CNTN4: variants seen among roughly 807,000 people sequenced by gnomAD.
CNTN4 encodes the protein contactin 4.
CNTN4 carries 77 observed loss-of-function variants against 122.5 expected under a neutral mutation model. That is an observed-to-expected ratio of 0.63 (90% CI 0.52 to 0.76). CNTN4 has a LOEUF of 0.76. CNTN4 is among the 30% of genes least tolerant of loss of function. The pLI, the probability that CNTN4 is intolerant of heterozygous loss-of-function variation, is 0.00. For synonymous variants in CNTN4, 512 were observed against 447.0 expected (o/e 1.15, Z -1.83); for missense variants, 1,256 against 1,259.1 (o/e 1.00, Z 0.04).
chr3:2,377,785 A>T (rs34550005), intron 3 of CNTN4, among the ~76,000 whole-genome samples: 79,384 of 150,342 alleles, frequency 0.53, 21,225 homozygotes, highest in Middle Eastern at 0.64. Flanking sequence ...ATTTTTTTTT[A>T]ACCTCATCAG....
At chr3:2,949,196 A>G (rs2094710520) in intron 13 of CNTN4, among the ~76,000 whole-genome samples, 1 of 152,120 alleles carries the variant, frequency 6.6e-6, no homozygotes, top group South Asian at 2.1e-4. Context: ...TTTAATGAAC[A>G]GCTCCTTCTT....
intron 3 of CNTN4, among the ~76,000 whole-genome samples, chr3:2,489,375 A>C (rs1226320152): frequency 6.6e-6 from 1 of 152,138 alleles, no homozygotes; most frequent in African/African-American, 2.4e-5. Flanking sequence ...TATTTGAATG[A>C]AACTGGAGAA....
At chr3:2,270,843 C>T (rs959056530) in intron 2 of CNTN4, among the ~76,000 whole-genome samples, 1 of 152,070 alleles carries the variant, frequency 6.6e-6, no homozygotes, top group African/African-American at 2.4e-5. Context: ...AGCTGCCTCC[C>T]GATGTGCAGT....
intron 4 of CNTN4, among the ~76,000 whole-genome samples, chr3:2,661,293 A>G (rs1397730368): frequency 6.6e-6 from 1 of 152,308 alleles, no homozygotes; most frequent in East Asian, 1.9e-4. Flanking sequence ...TGCCTCTAGC[A>G]TGAGTATTCC....
chr3:2,627,824 G>C (rs932961248), intron 4 of CNTN4, among the ~76,000 whole-genome samples: 4 of 152,084 alleles, frequency 2.6e-5, no homozygotes, highest in African/African-American at 9.7e-5. Context: ...ATGCATCAAA[G>C]CTTGTTTATT....
At position 2,798,365 on chromosome 3, in the gene CNTN4, AAATC is replaced by A. The variant is rs1339352396; in HGVS notation, c.359-21120_359-21117del. Among the ~76,000 whole-genome samples, 180 of 143,518 alleles carry A rather than the reference AAATC, an allele frequency of 1.3e-3. 2 individuals are homozygous for A. The highest frequency in any genetic ancestry group is 4.3e-3 in the African/African-American group (166 of 38,952). The allele number at this position is 143,518 out of a possible 152,430, so 94.2% of individuals were successfully genotyped here. ...ATACATACTATATCTATACACACAT[AAATC>A]TATCTATCTATCTATCTATCTATAT... is the stretch of plus-strand genomic sequence containing the variant. On this transcript the variant is annotated intron_variant, in intron 6 of 24. Coordinates refer to ENST00000418658, the MANE Select transcript of CNTN4 (RefSeq NM_175607.3).
chr3:2,671,082 C>T (rs1333335513), intron 4 of CNTN4, among the ~76,000 whole-genome samples: 1 of 152,114 alleles, frequency 6.6e-6, no homozygotes, highest in Non-Finnish European at 1.5e-5. Flanking sequence ...TGGAGTTGCT[C>T]TTCTCGAGGA....
chr3:2,786,235 G>A (rs2091822503), intron 6 of CNTN4, among the ~76,000 whole-genome samples: 1 of 152,114 alleles, frequency 6.6e-6, no homozygotes. Context: ...GGACCTGAGT[G>A]CAGGTGCAAG....
At chr3:2,842,124 C>A (rs2093372384) in intron 7 of CNTN4, among the ~76,000 whole-genome samples, 2 of 152,104 alleles carry the variant, frequency 1.3e-5, no homozygotes, top group Non-Finnish European at 2.9e-5. Flanking sequence ...CAACGGAAAG[C>A]CATGAGCTCT....
chr3:2,976,304 A>G (rs1240663304), intron 13 of CNTN4, among the ~76,000 whole-genome samples: 1 of 152,234 alleles, frequency 6.6e-6, no homozygotes, highest in African/African-American at 2.4e-5. Context: ...CCTGAATCAA[A>G]CCAGGTTAAA....
chr3:2,693,467 T>C (rs1160371082), intron 4 of CNTN4, among the ~76,000 whole-genome samples: 3 of 152,136 alleles, frequency 2.0e-5, no homozygotes, highest in Non-Finnish European at 2.9e-5. Flanking sequence ...TCTAAAAGCA[T>C]ATAGATGGTG....
chr3:2,348,816 GAA>G (rs1212148890), intron 3 of CNTN4, among the ~76,000 whole-genome samples: 1 of 152,102 alleles, frequency 6.6e-6, no homozygotes, highest in Non-Finnish European at 1.5e-5. Context: ...AGAAAAACAA[GAA>G]TTAATACCAG....
intron 14 of CNTN4, among the ~76,000 whole-genome samples, chr3:3,007,713 T>G (rs1331502084): frequency 6.6e-6 from 1 of 152,204 alleles, no homozygotes; most frequent in Non-Finnish European, 1.5e-5. Context: ...CACACAAGAC[T>G]GGCTTGGTAA....
intron 4 of CNTN4, among the ~76,000 whole-genome samples, chr3:2,662,248 G>A (rs1559359448): frequency 6.6e-6 from 1 of 152,172 alleles, no homozygotes; most frequent in African/African-American, 2.4e-5. Context: ...GAGTAGTACT[G>A]ACTGCTATAT....
chr3:3,048,544 G>T (rs1218523589), intron 23 of CNTN4, among the ~76,000 whole-genome samples: 1 of 141,508 alleles, frequency 7.1e-6, no homozygotes, highest in East Asian at 2.1e-4. Flanking sequence ...GTGTGTGTGT[G>T]TATTTGTGTG....
rs372807330 is a variant in CNTN4, at chr3:2,173,718, T to G, written c.-145+73079T>G. ...TTTGGTTCGACTTGAACACTATGAT[T>G]CCTCATTTGTTAAATAGAAATAATA... is the stretch of plus-strand genomic sequence containing the variant. On this transcript the variant is annotated intron_variant, in intron 2 of 24. Coordinates refer to ENST00000418658, the MANE Select transcript of CNTN4 (RefSeq NM_175607.3). Among the ~76,000 whole-genome samples the G allele has an allele frequency of 6.0e-4, 92 of 152,278 alleles. 1 individual carries two copies. In the South Asian group the frequency reaches 0.018, roughly 30 times the overall value.
chr3:2,389,971 A>G (rs1057457339), intron 3 of CNTN4, among the ~76,000 whole-genome samples: 1 of 152,200 alleles, frequency 6.6e-6, no homozygotes, highest in Non-Finnish European at 1.5e-5. Context: ...GATTAAAGGG[A>G]CATGTCAAGT....
intron 6 of CNTN4, among the ~76,000 whole-genome samples, chr3:2,793,041 C>T (rs1327027173): frequency 5.9e-5 from 9 of 152,152 alleles, no homozygotes; most frequent in Non-Finnish European, 1.3e-4. Flanking sequence ...TGCTGAGGAG[C>T]AGCAAGTTCA....
At chr3:2,637,468 G>C (rs1225082212) in intron 4 of CNTN4, among the ~76,000 whole-genome samples, 2 of 151,840 alleles carry the variant, frequency 1.3e-5, no homozygotes, top group Non-Finnish European at 2.9e-5. Context: ...CTTTCAAAAG[G>C]AGCCCTCCTT....
Sources: gnomAD v4.1 joint callset for allele counts (sites outside exome capture counted in the v4.1 genomes callset) on GRCh38, gnomAD v4.1.1 for gene constraint, MANE v1.5 for transcripts, NCBI Gene and HGNC (gene_info 2026-07-23, HGNC 2026-07-21) for gene names.